Variants in PACRG observed in about 807,000 individuals in gnomAD.
PACRG encodes parkin coregulated.
A neutral mutation model predicts 29.7 loss-of-function variants in PACRG; 29 were observed. That is an observed-to-expected ratio of 0.98 (90% CI 0.73 to 1.33). The LOEUF (loss-of-function observed/expected upper bound fraction) is 1.33, where lower values mean the gene tolerates loss of function less well. Ranked by LOEUF, PACRG falls within the 40% of genes most tolerant of loss-of-function variation. PACRG has a pLI of 0.00. For missense variants in PACRG, 279 were observed against 316.2 expected, an observed-to-expected ratio of 0.88 and a Z score of 0.89; for synonymous variants, 116 against 118.7, an observed-to-expected ratio of 0.98 and a Z score of 0.15.
chr6:163,254,865 G>C (rs1783045877), intron 4 of PACRG, among the ~76,000 whole-genome samples: 1 of 152,206 alleles, frequency 6.6e-6, no homozygotes, highest in Non-Finnish European at 1.5e-5. Context: ...TAAAGCGTGG[G>C]CTGTAACAGA....
chr6:163,167,904 T>C (rs1014634716), intron 4 of PACRG, among the ~76,000 whole-genome samples: 1 of 152,366 alleles, frequency 6.6e-6, no homozygotes. Context: ...AAAAGTGAAC[T>C]GCTGTCACTA....
At chr6:163,266,932 C>G (rs1321327032) in intron 4 of PACRG, among the ~76,000 whole-genome samples, 5 of 152,194 alleles carry the variant, frequency 3.3e-5, no homozygotes, top group Non-Finnish European at 5.9e-5. Flanking sequence ...GTGAGCCCCT[C>G]ATCAAATGGC....
chr6:162,888,597 C>A (rs1267450075), intron 2 of PACRG, among the ~76,000 whole-genome samples: 1 of 152,154 alleles, frequency 6.6e-6, no homozygotes, highest in Non-Finnish European at 1.5e-5. Flanking sequence ...AGGCTGATGT[C>A]ACTTCCACTC....
At chr6:163,182,794 CCGGGCCA>C (rs1389789919) in intron 4 of PACRG, 1 of 152,186 alleles carries the variant, frequency 6.6e-6, no homozygotes, top group East Asian at 1.9e-4. Flanking sequence ...TTCACTCGTT[CCGGGCCA>C]CGGAGGTGTA....
chr6:162,981,288 A>AAC (rs1415957947), intron 2 of PACRG, among the ~76,000 whole-genome samples: 6 of 144,052 alleles, frequency 4.2e-5, no homozygotes, highest in African/African-American at 1.6e-4. Context: ...TTATGTATAA[A>AAC]ACATATATAT....
intron 2 of PACRG, among the ~76,000 whole-genome samples, chr6:162,951,315 T>C (rs572641594): frequency 1.3e-5 from 2 of 152,362 alleles, no homozygotes; most frequent in Admixed American, 6.5e-5. Flanking sequence ...TTCTTATTGG[T>C]CAGCACAGCT....
At position 162,999,245 on chromosome 6, in the gene PACRG, T is replaced by G. The variant is rs1199353600; in HGVS notation, c.292-62905T>G. 2.0e-5 allele frequency among the ~76,000 whole-genome samples: 3 copies of G among 152,340 alleles called. No homozygotes were observed. In the East Asian group the frequency reaches 5.8e-4, roughly 29 times the overall value. ...CCCCATTCTTATTGGTAGGAAGCAG[T>G]CAGGGCATCTTCGTTCCTCTCATTA... On this transcript the variant is annotated intron_variant, in intron 2 of 4. Transcript: ENST00000366888.
chr6:163,122,008 C>G (rs116420669), intron 4 of PACRG, among the ~76,000 whole-genome samples: 1,615 of 152,038 alleles, frequency 0.011, 32 homozygotes, highest in African/African-American at 0.038. Context: ...TGCTGCTATT[C>G]TATACATGCG....
At chr6:162,795,883 C>T (rs1170359448) in intron 1 of PACRG, among the ~76,000 whole-genome samples, 1 of 152,030 alleles carries the variant, frequency 6.6e-6, no homozygotes, top group Admixed American at 6.5e-5. Context: ...CCTAATTGAT[C>T]AGCACTTTTG....
chr6:162,891,667 T>C (rs1054195784), intron 2 of PACRG, among the ~76,000 whole-genome samples: 4 of 152,146 alleles, frequency 2.6e-5, no homozygotes, highest in African/African-American at 9.7e-5. Flanking sequence ...GCCTAGCTAT[T>C]TGGTTTGCCA....
intron 2 of PACRG, among the ~76,000 whole-genome samples, chr6:163,008,983 A>T (rs1347707367): frequency 1.3e-5 from 2 of 152,268 alleles, no homozygotes; most frequent in Non-Finnish European, 2.9e-5. Flanking sequence ...TTGGTACAAA[A>T]GGGAGGTGAC....
At chr6:163,088,336 T>G (rs1813783499) in intron 3 of PACRG, among the ~76,000 whole-genome samples, 1 of 152,202 alleles carries the variant, frequency 6.6e-6, no homozygotes, top group South Asian at 2.1e-4. Flanking sequence ...GGCATCACAT[T>G]TTATTAATTG....
intron 4 of PACRG, among the ~76,000 whole-genome samples, chr6:163,275,792 C>T (rs1311128398): frequency 1.3e-5 from 2 of 152,052 alleles, no homozygotes; most frequent in Non-Finnish European, 2.9e-5. Context: ...CAACTAAGCT[C>T]TCAAGAATTA....
intron 2 of PACRG, among the ~76,000 whole-genome samples, chr6:162,841,186 G>C (rs1789717644): frequency 7.0e-6 from 1 of 142,724 alleles, no homozygotes; most frequent in Non-Finnish European, 1.5e-5. Flanking sequence ...GTTCCTCCTT[G>C]TACCTCTGGT....
intron 2 of PACRG, among the ~76,000 whole-genome samples, chr6:162,975,853 C>T (rs1385191405): frequency 6.6e-6 from 1 of 151,958 alleles, no homozygotes; most frequent in African/African-American, 2.4e-5. Context: ...TCCCTCCCTT[C>T]CTTCCACAAA....
chr6:163,198,643 T>C (rs1307768147), intron 4 of PACRG, among the ~76,000 whole-genome samples: 1 of 152,156 alleles, frequency 6.6e-6, no homozygotes, highest in Non-Finnish European at 1.5e-5. Flanking sequence ...GCCTTGCCCA[T>C]TAATGAGGTC....
intron 3 of PACRG, among the ~76,000 whole-genome samples, chr6:163,088,045 T>C (rs1195287527): frequency 6.6e-6 from 1 of 152,198 alleles, no homozygotes; most frequent in African/African-American, 2.4e-5. Flanking sequence ...ATGAGGAACA[T>C]AGGGAAGAAA....
chr6:163,006,704 C>T (rs946518454), intron 2 of PACRG, among the ~76,000 whole-genome samples: 1 of 151,686 alleles, frequency 6.6e-6, no homozygotes, highest in Non-Finnish European at 1.5e-5. Flanking sequence ...CTTTTTTATT[C>T]GTGGTAAATT....
chr6:162,997,309 T>G (rs1211680248), intron 2 of PACRG: 1 of 396,014 alleles, frequency 2.5e-6, no homozygotes. Context: ...ATCTGACATA[T>G]GCTAATGAAA....
Sources: gnomAD v4.1 joint callset for allele counts (sites outside exome capture counted in the v4.1 genomes callset) on GRCh38, gnomAD v4.1.1 for gene constraint, MANE v1.5 for transcripts, NCBI Gene and HGNC (gene_info 2026-07-23, HGNC 2026-07-21) for gene names.